CPAMD8: variants seen among roughly 807,000 people sequenced by gnomAD.
The protein encoded by CPAMD8 is C3 and PZP-like alpha-2-macroglobulin domain-containing protein 8.
CPAMD8 carries 146 observed loss-of-function variants against 224.7 expected under a neutral mutation model. The ratio of observed to expected loss-of-function variants is 0.65; its 90% CI spans 0.57 to 0.75. The LOEUF is 0.75. Among genes scored for constraint, CPAMD8 ranks in the 30% least tolerant of loss-of-function variants. CPAMD8 has a pLI of 0.00. For synonymous variants in CPAMD8, 966 were observed against 1,044.6 expected, an observed-to-expected ratio of 0.92 and a Z score of 1.45; for missense variants, 2,301 against 2,537.5, an observed-to-expected ratio of 0.91 and a Z score of 2.00.
chr19:16,999,920 C>T (rs1055254313), intron 10 of CPAMD8, among the ~76,000 whole-genome samples: 19 of 152,166 alleles, frequency 1.2e-4, no homozygotes, highest in South Asian at 1.2e-3. Context: ...TCAAGTGATC[C>T]GCCCGCCTTG....
At position 16,993,602 on chromosome 19, in the gene CPAMD8, C is replaced by G. The variant is rs2056032005; in HGVS notation, c.1096-16G>C. ...ATAGCTCCACCTAGAAAAGGTCACC[C>G]AAGACACAACAGAGTTAAGACGGCC... On this transcript the variant is annotated splice_polypyrimidine_tract_variant and intron_variant, in intron 11 of 41. Transcript: ENST00000443236. The G allele has an allele frequency of 1.9e-6, 3 of 1,612,672 alleles. No individual in the cohort carries two copies. The highest frequency in any genetic ancestry group is 1.7e-6 in the Non-Finnish European group (2 of 1,179,252).
intron 10 of CPAMD8, among the ~76,000 whole-genome samples, chr19:16,999,436 T>A (rs891775481): frequency 6.6e-6 from 1 of 151,082 alleles, no homozygotes; most frequent in Non-Finnish European, 1.5e-5. Flanking sequence ...AAAAAAAAAA[T>A]TAGCCGGGTG....
intron 2 of CPAMD8, among the ~76,000 whole-genome samples, chr19:17,021,541 A>G (rs974379414): frequency 1.3e-5 from 2 of 152,138 alleles, no homozygotes; most frequent in Non-Finnish European, 2.9e-5. Context: ...TGCATTCACT[A>G]TCTTGACCAG....
At chr19:17,021,323 G>A (rs1038297829) in intron 2 of CPAMD8, among the ~76,000 whole-genome samples, 1 of 152,112 alleles carries the variant, frequency 6.6e-6, no homozygotes. Flanking sequence ...AGGAGTGCCT[G>A]GTTCTTCTAG....
At chr19:17,023,068 A>G (rs2056999440) in intron 1 of CPAMD8, among the ~76,000 whole-genome samples, 2 of 152,146 alleles carry the variant, frequency 1.3e-5, no homozygotes, top group South Asian at 4.2e-4. Flanking sequence ...CTTCTTTGCA[A>G]CATTCATTTT....
chr19:16,894,971 G>C (rs149005059), intron 41 of CPAMD8: 1 of 145,182 alleles, frequency 6.9e-6, no homozygotes, highest in Admixed American at 6.3e-5. Flanking sequence ...CTAGCTGGGC[G>C]TGGTGGTAGT....
At chr19:16,946,406 T>TGG (rs2054089207) in intron 21 of CPAMD8, among the ~76,000 whole-genome samples, 1 of 146,954 alleles carries the variant, frequency 6.8e-6, no homozygotes, top group African/African-American at 2.5e-5. Flanking sequence ...TGTCTACACA[T>TGG]GTGGGCATGT....
chr19:16,996,136 C>T (rs964063945), intron 11 of CPAMD8, among the ~76,000 whole-genome samples: 11 of 151,528 alleles, frequency 7.3e-5, no homozygotes, highest in Non-Finnish European at 1.3e-4. Flanking sequence ...GGCGACAGAG[C>T]GAGACTCTTG....
chr19:17,013,727 G>A (rs1025095255), intron 3 of CPAMD8, among the ~76,000 whole-genome samples: 2 of 151,528 alleles, frequency 1.3e-5, no homozygotes, highest in Admixed American at 1.3e-4. Flanking sequence ...TAGATGGGGG[G>A]GCATTGCACA....
rs551282720 is a variant in CPAMD8, at chr19:16,939,588, G to A, written c.2794-1142C>T. Among the ~76,000 whole-genome samples, 193 of 152,260 alleles carry A rather than the reference G, an allele frequency of 1.3e-3. 1 individual carries two copies. Among genetic ancestry groups the A allele is most frequent in the African/African-American group, 4.3e-3 (180 of 41,538 alleles). ...CTGGTTAAACACTCTATCTGGGCGCGTCCAGGAAGTGCTTCTGCAAGAGAT... is the reference window on the plus strand; with the variant it reads ...CTGGTTAAACACTCTATCTGGGCGCATCCAGGAAGTGCTTCTGCAAGAGAT... On this transcript the variant is annotated intron_variant, in intron 22 of 41. Coordinates refer to ENST00000443236, the MANE Select transcript of CPAMD8 (RefSeq NM_015692.5).
At chr19:16,938,203 C>T (rs1407747441) in intron 23 of CPAMD8, among the ~76,000 whole-genome samples, 192 bp downstream of exon 23, 1 of 151,990 alleles carries the variant, frequency 6.6e-6, no homozygotes, top group Non-Finnish European at 1.5e-5. Context: ...TCATTCATGC[C>T]CCACCCTCAC....
chr19:16,937,653 T>G (rs997146854), intron 23 of CPAMD8, among the ~76,000 whole-genome samples: 1 of 127,836 alleles, frequency 7.8e-6, no homozygotes, highest in African/African-American at 4.4e-5. Context: ...CTTCATACTT[T>G]TTTTTTTTTT....
intron 18 of CPAMD8, 34 bp downstream of exon 18, chr19:16,970,857 G>T: frequency 1.2e-6 from 2 of 1,606,716 alleles, no homozygotes; most frequent in Non-Finnish European, 1.7e-6. Context: ...TAGGACCAGG[G>T]TTAGAAAACC....
At chr19:16,938,152 T>C (rs558736080) in intron 23 of CPAMD8, among the ~76,000 whole-genome samples, 1 of 152,324 alleles carries the variant, frequency 6.6e-6, no homozygotes, top group South Asian at 2.1e-4. Flanking sequence ...GCGTATTCCC[T>C]GTGTATTCAT....
intron 12 of CPAMD8, among the ~76,000 whole-genome samples, chr19:16,992,239 T>C (rs1454941017): frequency 1.3e-5 from 2 of 152,088 alleles, no homozygotes; most frequent in Non-Finnish European, 2.9e-5. Context: ...TCTGCCTGCC[T>C]GGGCCCGCCC....
chr19:16,896,548 C>A lies in CPAMD8; in HGVS notation c.5183G>T (p.Gly1728Val). Reference protein sequence around the residue: ...AQGNPVCGSDGVVYASACRLR... With the variant: ...AQGNPVCGSDVVVYASACRLR... ...GCGGCAGGCGCTGGCGTAGACCACC[C>A]CGTCGGAGCCGCACACCGGGTTCCC... The change falls in exon 40 of 42, where the codon GGG becomes GTG. Residue 1728 changes from glycine to valine, a missense_variant. This residue lies in a region of CPAMD8 where 1,709 missense variants were observed against 1,753.2 expected (regional missense o/e 0.97). Coordinates refer to ENST00000443236, the MANE Select transcript of CPAMD8 (RefSeq NM_015692.5). 1 of 1,498,034 alleles carries A rather than the reference C, an allele frequency of 6.7e-7. No individual in the cohort carries two copies. Among genetic ancestry groups the A allele is most frequent in the Non-Finnish European group, 8.8e-7 (1 of 1,130,554 alleles). 92.8% of individuals were successfully genotyped at this position (1,498,034 alleles called of 1,614,324 possible). A position where few individuals can be genotyped will look rare whatever the true frequency, so the allele number is the denominator to read the frequency against.
intron 6 of CPAMD8, chr19:17,008,817 G>T: frequency 7.4e-6 from 4 of 539,396 alleles, no homozygotes; most frequent in Non-Finnish European, 1.3e-5. Context: ...GCTGGGTGTG[G>T]TGGCTCACAC....
At chr19:16,921,707 C>T (rs376803649) in intron 27 of CPAMD8, among the ~76,000 whole-genome samples, 198 bp downstream of exon 27, 30 of 152,280 alleles carry the variant, frequency 2.0e-4, no homozygotes, top group African/African-American at 6.5e-4. Context: ...GGAATGGTTA[C>T]GATCACCAGC....
chr19:16,925,367 C>A lies in CPAMD8; in HGVS notation c.3376G>T (p.Val1126Phe), dbSNP rs367994692. Reference protein sequence around the residue: ...ERATASIIGDVMGPTLNHLNN... With the variant: ...ERATASIIGDFMGPTLNHLNN... ...AGGTGGTTCAGGGTTGGCCCCATGA[C>A]GTCCCCTGGTGGGAAGGAGAAGAGA... is the stretch of plus-strand genomic sequence containing the variant. Residue 1126 changes from valine to phenylalanine, a missense_variant, in exon 26 of 42, where the codon GTC becomes TTC. Around this residue, in one of 4 missense-constraint regions of CPAMD8, gnomAD observed 1,709 missense variants for 1,753.2 expected, o/e 0.97. Coordinates refer to ENST00000443236, the MANE Select transcript of CPAMD8 (RefSeq NM_015692.5). The A allele has an allele frequency of 6.2e-7, 1 of 1,613,754 alleles. No individual in the cohort carries two copies. The highest frequency in any genetic ancestry group is 8.5e-7 in the Non-Finnish European group (1 of 1,179,756).
Sources: allele counts gnomAD v4.1 joint callset (sites outside exome capture counted in the v4.1 genomes callset), GRCh38; gene constraint gnomAD v4.1.1; regional missense constraint gnomAD v4.1.1; transcripts MANE v1.5; gene names NCBI Gene and HGNC (gene_info 2026-07-23, HGNC 2026-07-21).